The following GALNT9 variants were observed in gnomAD, a reference collection of about 807,000 sequenced individuals.
The protein encoded by GALNT9 is polypeptide N-acetylgalactosaminyltransferase 9.
GALNT9 carries 47 observed loss-of-function variants against 63.1 expected under a neutral mutation model. The observed-to-expected ratio is 0.75, with a 90% CI of 0.59 to 0.95. The LOEUF is 0.95. GALNT9 is among the 40% of genes least tolerant of loss of function. The pLI is 0.00. For missense variants in GALNT9, 829 were observed against 874.8 expected, an observed-to-expected ratio of 0.95 and a Z score of 0.66; for synonymous variants, 396 against 365.7, an observed-to-expected ratio of 1.08 and a Z score of -0.94.
chr12:132,208,106 T>G (rs1651361481), intron 6 of GALNT9, among the ~76,000 whole-genome samples: 1 of 152,160 alleles, frequency 6.6e-6, no homozygotes, highest in African/African-American at 2.4e-5. Context: ...ATTTAAAGGC[T>G]CTCCCATCAC....
chr12:132,210,327 T>G (rs1469527665), intron 6 of GALNT9, among the ~76,000 whole-genome samples: 2 of 152,234 alleles, frequency 1.3e-5, no homozygotes, highest in Non-Finnish European at 2.9e-5. Flanking sequence ...GGCGAGGCCG[T>G]CCCGTGAAGT....
At chr12:132,207,663 A>G (rs955073227) in intron 6 of GALNT9, among the ~76,000 whole-genome samples, 2 of 152,080 alleles carry the variant, frequency 1.3e-5, no homozygotes, top group African/African-American at 2.4e-5. Context: ...GCCAACTTCC[A>G]TCATTAGCTG....
intron 9 of GALNT9, among the ~76,000 whole-genome samples, chr12:132,198,462 T>C (rs1447496712): frequency 8.4e-6 from 1 of 119,128 alleles, no homozygotes. Context: ...GGGCCTGTGC[T>C]GCAGGTGAGT....
At chr12:132,323,946 C>A (rs1439937053) in intron 1 of GALNT9, among the ~76,000 whole-genome samples, 2 of 152,166 alleles carry the variant, frequency 1.3e-5, no homozygotes, top group Non-Finnish European at 2.9e-5. Context: ...ACGGCCACTC[C>A]GGCTGTTTGG....
chr12:132,321,628 C>A (rs1868804482), intron 1 of GALNT9, among the ~76,000 whole-genome samples: 3 of 152,154 alleles, frequency 2.0e-5, no homozygotes, highest in Admixed American at 6.5e-5. Context: ...GGCCTCTGCA[C>A]CTGCCACCGA....
chr12:132,228,643 C>T (rs1232829783), intron 6 of GALNT9, among the ~76,000 whole-genome samples: 3 of 152,226 alleles, frequency 2.0e-5, no homozygotes, highest in East Asian at 3.9e-4. Context: ...AGCCCCCCAG[C>T]GGAGTGGGGT....
rs1304127222 is a variant in GALNT9 at position 132,315,404 on chromosome 12, A to C, written c.238+13562T>G. On this transcript the variant is annotated intron_variant, in intron 1 of 10. Coordinates refer to ENST00000328957, the MANE Select transcript of GALNT9 (RefSeq NM_001122636.2). This position sits in a 1 kb window ranked among gnomAD's most constrained non-coding sequence, Gnocchi z 6.1. ...CTGCAAAGTGCTCGAGCCTCAGAAT[A>C]TTAACAGGCATTTTCCACCATTTTC... is the stretch of plus-strand genomic sequence containing the variant. 1.3e-5 allele frequency among the ~76,000 whole-genome samples: 2 copies of C among 152,156 alleles called. No homozygotes were observed. Among genetic ancestry groups the C allele is most frequent in the African/African-American group, 4.8e-5 (2 of 41,422 alleles).
chr12:132,289,880 G>A (rs991821108), intron 1 of GALNT9, among the ~76,000 whole-genome samples: 4 of 152,288 alleles, frequency 2.6e-5, no homozygotes, highest in Non-Finnish European at 4.4e-5. Flanking sequence ...CTGAGTCCCC[G>A]TCCCAGGACT....
intron 5 of GALNT9, among the ~76,000 whole-genome samples, chr12:132,248,304 A>G (rs1878791683): frequency 6.6e-6 from 1 of 152,192 alleles, no homozygotes. Context: ...AGCTTAGTGT[A>G]GGAGGTTTAA....
intron 3 of GALNT9, among the ~76,000 whole-genome samples, 178 bp downstream of exon 3, chr12:132,262,281 G>A (rs527538075): frequency 7.9e-5 from 12 of 152,280 alleles, no homozygotes; most frequent in East Asian, 1.9e-4. Context: ...GGGACAGCAC[G>A]TACGCAGCCA....
intron 6 of GALNT9, among the ~76,000 whole-genome samples, chr12:132,209,626 A>G (rs147235148): frequency 0.032 from 4,908 of 152,248 alleles, 249 homozygotes; most frequent in African/African-American, 0.11. Flanking sequence ...ACTTGTGGTC[A>G]TCCTCACGGC....
intron 6 of GALNT9, among the ~76,000 whole-genome samples, chr12:132,203,968 CCCCAACACTTAACAGGTTTTTCA>C (rs1201618140): frequency 2.0e-5 from 3 of 152,112 alleles, no homozygotes; most frequent in Non-Finnish European, 1.5e-5. Flanking sequence ...ATTCTACCGA[CCCCAACACTTAACAGGTTTTTCA>C]CCCTGTGGTT....
chr12:132,261,915 C>T (rs116924033), intron 3 of GALNT9, among the ~76,000 whole-genome samples: 1,807 of 152,298 alleles, frequency 0.012, 42 homozygotes, highest in South Asian at 0.1. Context: ...AGGAGGGTGG[C>T]GCTGAGGAAC....
At chr12:132,247,327 AG>A (rs1178845588) in intron 6 of GALNT9, 3 of 341,802 alleles carry the variant, frequency 8.8e-6, no homozygotes, top group African/African-American at 6.5e-5. Context: ...AGCAAAACAA[AG>A]GGCATGAAAA....
In GALNT9 at chr12:132,291,513, A is replaced by G. The variant is rs1265578168; in HGVS notation, c.239-5083T>C. On this transcript the variant is annotated intron_variant, in intron 1 of 10. Transcript: ENST00000328957. ...CAACCACAGCGCCCACGTCCACACC[A>G]CCCACATCCACAGCACCCACGTCCA... Among the ~76,000 whole-genome samples the G allele has an allele frequency of 6.6e-4, 90 of 135,800 alleles. 2 individuals are homozygous for G. The highest frequency in any genetic ancestry group is 2.0e-3 in the African/African-American group (66 of 33,796). 89.1% of individuals were successfully genotyped at this position (135,800 alleles called of 152,430 possible).
chr12:132,248,958 A>G (rs1555238311), intron 5 of GALNT9, among the ~76,000 whole-genome samples: 1 of 152,206 alleles, frequency 6.6e-6, no homozygotes, highest in African/African-American at 2.4e-5. Flanking sequence ...CAGGATCTGC[A>G]GAGTGGAGCG....
In GALNT9 at chr12:132,252,907, A is replaced by G. The variant is rs1344413871; in HGVS notation, c.959+4782T>C. 2.0e-5 allele frequency among the ~76,000 whole-genome samples: 3 copies of G among 151,624 alleles called. No individual in the cohort carries two copies. Among genetic ancestry groups the G allele is most frequent in the African/African-American group, 4.8e-5 (2 of 41,306 alleles). On this transcript the variant is annotated intron_variant, in intron 5 of 10. Coordinates refer to ENST00000328957, the MANE Select transcript of GALNT9 (RefSeq NM_001122636.2). The surrounding 1 kb of genome is among the most constrained non-coding windows in gnomAD (Gnocchi z 5.2). ...AAAAAAAAAAAAAGACACGGAGACC[A>G]GTAGTGGCCCCGAACGGCTGGGTGC...
chr12:132,303,311 C>G (rs368443163), intron 1 of GALNT9, among the ~76,000 whole-genome samples: 2 of 152,028 alleles, frequency 1.3e-5, no homozygotes, highest in Non-Finnish European at 2.9e-5. Flanking sequence ...TCATTTAACA[C>G]GAGAGGCAGC....
At chr12:132,237,361 C>T (rs1243205259) in intron 6 of GALNT9, among the ~76,000 whole-genome samples, 4 of 151,900 alleles carry the variant, frequency 2.6e-5, no homozygotes, top group African/African-American at 9.7e-5. Flanking sequence ...CACCTGCCTA[C>T]ACCTTCTGAC....
Sources: allele counts gnomAD v4.1 joint callset (sites outside exome capture counted in the v4.1 genomes callset), GRCh38; gene constraint gnomAD v4.1.1; non-coding constraint Gnocchi (gnomAD v3.1); transcripts MANE v1.5; gene names NCBI Gene and HGNC (gene_info 2026-07-23, HGNC 2026-07-21).